Variants in ITSN1 observed in about 807,000 individuals in gnomAD.
ITSN1 encodes intersectin-1.
In ITSN1, 58 loss-of-function variants were observed where a neutral mutation model predicts 239.8. That is an observed-to-expected ratio of 0.24 (90% CI 0.20 to 0.30). The LOEUF is 0.30. Ranked by LOEUF, ITSN1 falls within the 10% of genes least tolerant of loss-of-function variation. The pLI is 1.00. For missense variants in ITSN1, 1,558 were observed against 2,103.3 expected (o/e 0.74, Z 5.07); for synonymous variants, 780 against 770.8 (o/e 1.01, Z -0.20).
chr21:33,762,073 T>C, intron 9 of ITSN1, 87 bp downstream of exon 9: 1 of 904,638 alleles, frequency 1.1e-6, no homozygotes, highest in Non-Finnish European at 1.9e-6. Flanking sequence ...TAATACCGTT[T>C]TTTATGGGGG....
intron 29 of ITSN1, among the ~76,000 whole-genome samples, chr21:33,840,048 G>A (rs1173517293): frequency 1.3e-5 from 2 of 152,162 alleles, no homozygotes. Flanking sequence ...AGGCTGCCCC[G>A]GTAACTCCTG....
intron 31 of ITSN1, among the ~76,000 whole-genome samples, chr21:33,859,212 T>C (rs945547653): frequency 2.6e-5 from 4 of 152,208 alleles, no homozygotes; most frequent in Non-Finnish European, 5.9e-5. Flanking sequence ...AATGTGGAAC[T>C]GTTCACTGCC....
rs376713640 is a variant in ITSN1 at position 33,830,816 on chromosome 21, G to A, written c.3351+1071G>A. Among the ~76,000 whole-genome samples, 53 of 148,172 alleles carry A rather than the reference G, an allele frequency of 3.6e-4. 1 individual carries two copies. The highest frequency in any genetic ancestry group is 3.4e-4 in the Admixed American group (5 of 14,770). ...GAATATTCTTATTTTTAGGAGATAC[G>A]TGTTGAAGTATTTAGGGGTAGAGTT... On this transcript the variant is annotated intron_variant, in intron 27 of 39. Transcript: ENST00000381318.
intron 33 of ITSN1, among the ~76,000 whole-genome samples, chr21:33,870,413 C>T (rs973257103): frequency 3.9e-5 from 6 of 152,204 alleles, no homozygotes; most frequent in African/African-American, 1.2e-4. Flanking sequence ...TGCAGAAACA[C>T]GATTGATTTC....
chr21:33,856,110 G>T (rs1218053920), intron 29 of ITSN1, among the ~76,000 whole-genome samples: 2 of 152,030 alleles, frequency 1.3e-5, no homozygotes, highest in East Asian at 3.9e-4. Context: ...TGTGAAATGG[G>T]GATAATTCTA....
chr21:33,748,685 CA>C (rs1399245214), intron 5 of ITSN1, among the ~76,000 whole-genome samples: 91 of 140,368 alleles, frequency 6.5e-4, no homozygotes, highest in Non-Finnish European at 6.2e-4. Context: ...ACCGCCCCAC[CA>C]AAAAAAAAAA....
At chr21:33,840,249 A>G (rs2148426291) in intron 29 of ITSN1, among the ~76,000 whole-genome samples, 1 of 152,372 alleles carries the variant, frequency 6.6e-6, no homozygotes, top group East Asian at 1.9e-4. Flanking sequence ...AGTACAAGGG[A>G]AAGAAAGCAT....
intron 34 of ITSN1, among the ~76,000 whole-genome samples, chr21:33,877,782 A>G (rs2300383): frequency 0.59 from 89,133 of 151,056 alleles, 27,171 homozygotes; most frequent in African/African-American, 0.76. Context: ...TCCTATTTTC[A>G]TTCTGTTTTC....
At chr21:33,694,754 G>A (rs973294751) in intron 1 of ITSN1, among the ~76,000 whole-genome samples, 28 of 152,166 alleles carry the variant, frequency 1.8e-4, no homozygotes, top group South Asian at 4.1e-4. Context: ...GGGAGGCGGA[G>A]ATTGCAGTGA....
At chr21:33,713,826 A>ATTT in intron 1 of ITSN1, among the ~76,000 whole-genome samples, 1 of 91,612 alleles carries the variant, frequency 1.1e-5, no homozygotes, top group Non-Finnish European at 2.1e-5. Context: ...TTCCAGCCTC[A>ATTT]TCTTTTTTTT....
chr21:33,811,211 C>T lies in ITSN1; in HGVS notation c.2556C>T (p.Asp852=). ...EPSTTPNNWA[D]FSSTWPTSTN... ...CCACGACCCCTAATAACTGGGCCGACTTCAGCTCCACGTACGTGTTGGTGG... is the reference window on the plus strand; with the variant it reads ...CCACGACCCCTAATAACTGGGCCGATTTCAGCTCCACGTACGTGTTGGTGG... The change falls in exon 21 of 40, where the codon GAC becomes GAT. Residue 852 remains aspartate (D), a synonymous_variant. Transcript: ENST00000381318. 6.3e-7 allele frequency: 1 copy of T among 1,590,312 alleles called. No individual in the cohort carries two copies.
chr21:33,850,742 G>A (rs188000710), intron 29 of ITSN1, among the ~76,000 whole-genome samples: 11 of 152,330 alleles, frequency 7.2e-5, no homozygotes, highest in South Asian at 2.1e-4. Flanking sequence ...CTTTCTTCAC[G>A]TCATATCCAT....
At chr21:33,661,624 C>G (rs1428827762) in intron 1 of ITSN1, among the ~76,000 whole-genome samples, 2 of 152,038 alleles carry the variant, frequency 1.3e-5, no homozygotes, top group Non-Finnish European at 2.9e-5. Context: ...GGCTGTGTCC[C>G]CACCCAAATC....
intron 1 of ITSN1, among the ~76,000 whole-genome samples, chr21:33,695,775 T>C (rs1454043864): frequency 6.6e-6 from 1 of 152,214 alleles, no homozygotes; most frequent in Non-Finnish European, 1.5e-5. Flanking sequence ...AGAAACGTTC[T>C]TTTCTGTACT....
intron 1 of ITSN1, among the ~76,000 whole-genome samples, chr21:33,674,436 A>G (rs1343547075): frequency 3.3e-5 from 5 of 152,170 alleles, no homozygotes; most frequent in Non-Finnish European, 7.3e-5. Context: ...TGCATTTCTA[A>G]CAAGTTCCCC....
chr21:33,647,551 A>G (rs1229805793), intron 1 of ITSN1, among the ~76,000 whole-genome samples: 17 of 151,908 alleles, frequency 1.1e-4, no homozygotes, highest in Admixed American at 1.1e-3. Context: ...GCTGGTGTAT[A>G]GTGGCTCAAT....
intron 28 of ITSN1, among the ~76,000 whole-genome samples, 192 bp from the exon 29 acceptor site, chr21:33,836,246 TTTG>T (rs779001496): frequency 7.9e-5 from 12 of 152,040 alleles, no homozygotes; most frequent in Non-Finnish European, 1.6e-4. Flanking sequence ...GTGTGAAAAT[TTTG>T]TTGTTGTCTT....
intron 1 of ITSN1, among the ~76,000 whole-genome samples, chr21:33,696,053 G>A (rs186141740): frequency 1.8e-4 from 27 of 152,334 alleles, no homozygotes; most frequent in Admixed American, 1.8e-3. Context: ...TTCTAGTAGT[G>A]ATAAATCTTG....
chr21:33,658,505 A>G (rs534872051), intron 1 of ITSN1, among the ~76,000 whole-genome samples: 1 of 152,340 alleles, frequency 6.6e-6, no homozygotes, highest in East Asian at 1.9e-4. Context: ...TTACAGTGGT[A>G]TTTGTGTATC....
Sources: gnomAD v4.1 joint callset for allele counts (sites outside exome capture counted in the v4.1 genomes callset) on GRCh38, gnomAD v4.1.1 for gene constraint, MANE v1.5 for transcripts, NCBI Gene and HGNC (gene_info 2026-07-23, HGNC 2026-07-21) for gene names.